Variants in NIPAL2 observed in about 807,000 individuals in gnomAD.
NIPAL2 encodes NIPA-like protein 2.
NIPAL2 carries 43 observed loss-of-function variants against 48.9 expected under a neutral mutation model. The observed-to-expected ratio is 0.88, with a 90% confidence interval of 0.69 to 1.13. The LOEUF is 1.13. Among genes scored for constraint, NIPAL2 ranks in the 50% most tolerant of loss-of-function variants. The probability of loss-of-function intolerance (pLI) is 0.00; values close to 1 mark genes in which losing one functional copy is unlikely to be tolerated. For synonymous variants in NIPAL2, 167 were observed against 174.6 expected, an observed-to-expected ratio of 0.96 and a Z score of 0.34; for missense variants, 446 against 461.4, an observed-to-expected ratio of 0.97 and a Z score of 0.31.
At chr8:98,286,317 G>A (rs1166805572) in intron 1 of NIPAL2, among the ~76,000 whole-genome samples, 6 of 152,150 alleles carry the variant, frequency 3.9e-5, no homozygotes, top group African/African-American at 1.2e-4. Flanking sequence ...CCAGTGCTGA[G>A]GCCACAGGCA....
At chr8:98,250,700 G>C (rs1813542210) in intron 3 of NIPAL2, among the ~76,000 whole-genome samples, 1 of 152,178 alleles carries the variant, frequency 6.6e-6, no homozygotes, top group Non-Finnish European at 1.5e-5. Context: ...TGAAGAAAAA[G>C]CCCATCTGTC....
At chr8:98,216,964 G>A (rs1382167175) in intron 5 of NIPAL2, 8 of 738,864 alleles carry the variant, frequency 1.1e-5, no homozygotes, top group Non-Finnish European at 1.3e-5. Flanking sequence ...ATTCTTACAG[G>A]ACTTATAGCT....
chr8:98,288,076 C>T (rs1816278986), intron 1 of NIPAL2, among the ~76,000 whole-genome samples: 1 of 151,988 alleles, frequency 6.6e-6, no homozygotes, highest in Admixed American at 6.6e-5. Context: ...TTTTAGGGTA[C>T]ATGTGCACAT....
intron 3 of NIPAL2, among the ~76,000 whole-genome samples, chr8:98,248,127 C>T (rs918593293): frequency 1.3e-5 from 2 of 152,038 alleles, no homozygotes; most frequent in African/African-American, 4.8e-5. Context: ...TATTTTCCAC[C>T]GTGTTTTGGT....
intron 3 of NIPAL2, among the ~76,000 whole-genome samples, chr8:98,249,816 C>T (rs182436024): frequency 6.7e-6 from 1 of 148,716 alleles, no homozygotes; most frequent in African/African-American, 2.5e-5. Context: ...ATATTACACT[C>T]AAAGTATACA....
intron 10 of NIPAL2, among the ~76,000 whole-genome samples, chr8:98,193,802 C>CA (rs34531935): frequency 0.37 from 44,150 of 119,728 alleles, 7,819 homozygotes; most frequent in South Asian, 0.55. Context: ...GACTCCATCT[C>CA]AAAAAAAAAA....
chr8:98,240,787 G>T (rs1812943433), intron 3 of NIPAL2, among the ~76,000 whole-genome samples: 3 of 152,206 alleles, frequency 2.0e-5, no homozygotes, highest in Admixed American at 2.0e-4. Context: ...GTGAAAAGAA[G>T]AAGGTCCTGT....
intron 8 of NIPAL2, among the ~76,000 whole-genome samples, chr8:98,199,184 A>G (rs1381438535): frequency 6.6e-6 from 1 of 151,806 alleles, no homozygotes; most frequent in Non-Finnish European, 1.5e-5. Context: ...TCGAACTCCC[A>G]ACCTCAGGTG....
At chr8:98,257,497 T>A (rs1813972765) in intron 1 of NIPAL2, among the ~76,000 whole-genome samples, 1 of 152,114 alleles carries the variant, frequency 6.6e-6, no homozygotes, top group African/African-American at 2.4e-5. Flanking sequence ...GACCTCATGA[T>A]CTGCCCGCCT....
chr8:98,191,110 A>G lies in NIPAL2; in HGVS notation c.*1868T>C, dbSNP rs2130669709. The G allele has an allele frequency of 6.6e-6, 1 of 152,362 alleles. No individual in the cohort carries two copies. The highest frequency in any genetic ancestry group is 1.5e-5 in the Non-Finnish European group (1 of 68,036). 9.4% of individuals were successfully genotyped at this position (152,362 alleles called of 1,614,324 possible). On this transcript the variant is annotated 3_prime_UTR_variant, in exon 11 of 11. Transcript: ENST00000430223. ...ATAGATGCAACTGTTGGCGGCTGCT[A>G]AAGTACTGGTGTTATGCTTGTGCCT...
chr8:98,260,084 A>C (rs1439318321), intron 1 of NIPAL2, among the ~76,000 whole-genome samples: 5 of 152,192 alleles, frequency 3.3e-5, no homozygotes, highest in Non-Finnish European at 5.9e-5. Context: ...AAGGGGGTAC[A>C]AAAAAAGGTG....
intron 7 of NIPAL2, 44 bp from the exon 8 acceptor site, chr8:98,203,240 T>C: frequency 3.8e-6 from 5 of 1,302,220 alleles, no homozygotes; most frequent in Non-Finnish European, 5.5e-6. Flanking sequence ...TTAGGAGACA[T>C]TCAGCAATAA....
intron 1 of NIPAL2, among the ~76,000 whole-genome samples, chr8:98,282,289 C>T (rs867316274): frequency 6.6e-6 from 1 of 152,090 alleles, no homozygotes. Context: ...TTCTGTGCCA[C>T]GGATCCGTAG....
chr8:98,249,070 AAGG>A (rs1813435685), intron 3 of NIPAL2, among the ~76,000 whole-genome samples: 1 of 152,152 alleles, frequency 6.6e-6, no homozygotes, highest in Admixed American at 6.5e-5. Flanking sequence ...AGATACAATC[AAGG>A]GAATCTCAGA....
chr8:98,275,444 C>T (rs1431969785), intron 1 of NIPAL2, among the ~76,000 whole-genome samples: 1 of 152,136 alleles, frequency 6.6e-6, no homozygotes, highest in Admixed American at 6.5e-5. Context: ...CATTCCTTCT[C>T]ATTGCTGAGT....
chr8:98,268,374 A>C (rs1474924324), intron 1 of NIPAL2, among the ~76,000 whole-genome samples: 2 of 152,124 alleles, frequency 1.3e-5, no homozygotes, highest in Non-Finnish European at 2.9e-5. Context: ...TCATCCCGGC[A>C]TTTTGGGAGG....
intron 1 of NIPAL2, among the ~76,000 whole-genome samples, chr8:98,265,339 C>G (rs1814647782): frequency 6.8e-6 from 1 of 146,268 alleles, no homozygotes; most frequent in South Asian, 2.2e-4. Context: ...TCAGAGTGAA[C>G]AGGCAACCTA....
chr8:98,288,186 T>C (rs1265510802), intron 1 of NIPAL2, among the ~76,000 whole-genome samples: 3 of 141,702 alleles, frequency 2.1e-5, no homozygotes, highest in Non-Finnish European at 4.6e-5. Context: ...GCTATCCTTC[T>C]CCCCTCCCCC....
intron 1 of NIPAL2, among the ~76,000 whole-genome samples, chr8:98,280,140 AT>A (rs1327842828): frequency 7.9e-5 from 12 of 152,214 alleles, no homozygotes; most frequent in Non-Finnish European, 1.5e-5. Flanking sequence ...TGGAGACAGG[AT>A]ATGGTAATAC....
Sources: gnomAD v4.1 joint callset for allele counts (sites outside exome capture counted in the v4.1 genomes callset) on GRCh38, gnomAD v4.1.1 for gene constraint, MANE v1.5 for transcripts, NCBI Gene and HGNC (gene_info 2026-07-23, HGNC 2026-07-21) for gene names.